The following MBD5 variants were observed in gnomAD, a reference collection of about 807,000 sequenced individuals.
MBD5 encodes methyl-CpG binding domain protein 5.
In MBD5, 13 loss-of-function variants were observed where a neutral mutation model predicts 117.3. That is an observed-to-expected ratio of 0.11 (90% CI 0.07 to 0.18). The LOEUF (loss-of-function observed/expected upper bound fraction) is 0.18. Ranked by LOEUF, MBD5 falls within the 10% of genes least tolerant of loss-of-function variation. MBD5 has a pLI of 1.00. For synonymous variants in MBD5, 727 were observed against 766.4 expected (o/e 0.95, Z 0.85); for missense variants, 1,879 against 2,093.8 (o/e 0.90, Z 2.00).
intron 4 of MBD5, among the ~76,000 whole-genome samples, chr2:148,375,279 C>T (rs545510761): frequency 7.2e-5 from 11 of 152,324 alleles, no homozygotes; most frequent in Non-Finnish European, 1.6e-4. Context: ...ATAATCCTCA[C>T]TGACCAGTAT....
chr2:148,205,572 ATTTT>A (rs1242567727), intron 2 of MBD5, among the ~76,000 whole-genome samples: 2 of 152,250 alleles, frequency 1.3e-5, no homozygotes, highest in East Asian at 3.8e-4. Flanking sequence ...GAACTAATAG[ATTTT>A]GAATACAGAA....
intron 1 of MBD5, among the ~76,000 whole-genome samples, chr2:148,128,650 T>A (rs1043479965): frequency 1.3e-5 from 2 of 152,358 alleles, no homozygotes; most frequent in Middle Eastern, 6.8e-3. Context: ...ATCTCCAACA[T>A]GACTATATGG....
At chr2:148,080,340 T>A (rs1408779752) in intron 1 of MBD5, among the ~76,000 whole-genome samples, 3 of 152,228 alleles carry the variant, frequency 2.0e-5, no homozygotes, top group African/African-American at 4.8e-5. Flanking sequence ...ACACATCTCC[T>A]ATAGATAGCT....
intron 2 of MBD5, among the ~76,000 whole-genome samples, chr2:148,229,663 G>A (rs1428658586): frequency 1.3e-5 from 2 of 152,154 alleles, no homozygotes; most frequent in Non-Finnish European, 2.9e-5. Context: ...ATATTCAAAA[G>A]GACTTGATTG....
chr2:148,344,509 T>C (rs950773458), intron 4 of MBD5, among the ~76,000 whole-genome samples: 1 of 152,076 alleles, frequency 6.6e-6, no homozygotes, highest in African/African-American at 2.4e-5. Context: ...TTTGTAGTTC[T>C]CCTTGTAGAC....
chr2:148,264,039 G>T (rs1334694781), intron 3 of MBD5: 1 of 152,144 alleles, frequency 6.6e-6, no homozygotes, highest in Non-Finnish European at 1.5e-5. Flanking sequence ...TTGACAAGTA[G>T]TGTTCAAGAT....
intron 1 of MBD5, among the ~76,000 whole-genome samples, chr2:148,124,117 A>G (rs1696833130): frequency 6.6e-6 from 1 of 152,022 alleles, no homozygotes; most frequent in Admixed American, 6.5e-5. Flanking sequence ...TGTCTCTACT[A>G]AAAAATACAG....
chr2:148,448,474 G>A (rs954697598), intron 4 of MBD5, among the ~76,000 whole-genome samples: 4 of 151,674 alleles, frequency 2.6e-5, no homozygotes, highest in African/African-American at 9.7e-5. Flanking sequence ...GATTTTCAAG[G>A]TTACTAGGGT....
chr2:148,130,465 A>G (rs557360737), intron 1 of MBD5, among the ~76,000 whole-genome samples: 1 of 152,274 alleles, frequency 6.6e-6, no homozygotes, highest in East Asian at 1.9e-4. Flanking sequence ...TCATTACTAT[A>G]TAAACATGTA....
In MBD5 at chr2:148,489,747, C is replaced by T. The variant is rs1363547537; in HGVS notation, c.4115C>T (p.Ala1372Val). The change falls in exon 11 of 14, where the codon GCT (alanine) becomes GTT (valine). Residue 1372 changes from alanine (A) to valine (V), a missense_variant. Coordinates refer to ENST00000642680, the MANE Select transcript of MBD5 (RefSeq NM_001378120.1). ...SIGDPLNLSSAVSAVIHGRNM... is the reference protein window; with the variant it reads ...SIGDPLNLSSVVSAVIHGRNM... Reference sequence around the variant, plus strand: ...GGTGACCCATTAAATCTCTCCAGTGCTGTCAGTGCGGTCATTCATGGACGG... The same window carrying T: ...GGTGACCCATTAAATCTCTCCAGTGTTGTCAGTGCGGTCATTCATGGACGG... The T allele has an allele frequency of 6.2e-7, 1 of 1,614,164 alleles. No homozygotes were observed. Among genetic ancestry groups the T allele is most frequent in the African/African-American group, 1.3e-5 (1 of 75,038 alleles).
intron 4 of MBD5, among the ~76,000 whole-genome samples, chr2:148,439,737 C>CTTTT (rs761911302): frequency 3.1e-5 from 4 of 130,652 alleles, no homozygotes; most frequent in African/African-American, 1.1e-4. Context: ...CATTCTCTCT[C>CTTTT]TTTTTTTTTT....
At chr2:148,318,311 T>C (rs1398890019) in intron 3 of MBD5, among the ~76,000 whole-genome samples, 1 of 151,960 alleles carries the variant, frequency 6.6e-6, no homozygotes, top group Non-Finnish European at 1.5e-5. Context: ...TTTTTTTTAA[T>C]TATTTTTCTT....
At chr2:148,087,674 C>T (rs1695830699) in intron 1 of MBD5, among the ~76,000 whole-genome samples, 1 of 152,174 alleles carries the variant, frequency 6.6e-6, no homozygotes, top group Non-Finnish European at 1.5e-5. Flanking sequence ...AGGGAGTGCA[C>T]CATATCAAGG....
intron 3 of MBD5, among the ~76,000 whole-genome samples, chr2:148,324,496 A>G (rs536381713): frequency 2.0e-4 from 31 of 152,146 alleles, no homozygotes; most frequent in African/African-American, 4.8e-4. Context: ...ATTTGTTTGT[A>G]TCCTCTTTTA....
intron 3 of MBD5, among the ~76,000 whole-genome samples, chr2:148,235,382 T>C (rs1044685924): frequency 6.6e-6 from 1 of 152,182 alleles, no homozygotes; most frequent in Non-Finnish European, 1.5e-5. Flanking sequence ...CATCAGACTG[T>C]ATCAATGGTA....
At chr2:148,421,326 G>C (rs1343510021) in intron 4 of MBD5, among the ~76,000 whole-genome samples, 1 of 152,158 alleles carries the variant, frequency 6.6e-6, no homozygotes, top group African/African-American at 2.4e-5. Context: ...CAAGCGGTCA[G>C]GGTATTTCCC....
intron 3 of MBD5, among the ~76,000 whole-genome samples, chr2:148,240,577 A>G (rs1700196417): frequency 6.6e-6 from 1 of 152,188 alleles, no homozygotes; most frequent in Non-Finnish European, 1.5e-5. Context: ...CATTAATTCA[A>G]CTGCTTATTC....
intron 4 of MBD5, among the ~76,000 whole-genome samples, chr2:148,419,168 G>A (rs900857603): frequency 7.9e-5 from 12 of 152,104 alleles, no homozygotes; most frequent in African/African-American, 2.9e-4. Flanking sequence ...GGGAAAATTG[G>A]ATAGCAACAT....
At chr2:148,412,182 T>C (rs1303865169) in intron 4 of MBD5, among the ~76,000 whole-genome samples, 4 of 152,076 alleles carry the variant, frequency 2.6e-5, no homozygotes, top group Non-Finnish European at 5.9e-5. Flanking sequence ...GCTTTACTTC[T>C]GGGCTCTCTA....
Sources: gnomAD v4.1 joint callset for allele counts (sites outside exome capture counted in the v4.1 genomes callset) on GRCh38, gnomAD v4.1.1 for gene constraint, MANE v1.5 for transcripts, NCBI Gene and HGNC (gene_info 2026-07-23, HGNC 2026-07-21) for gene names.